Variants in CACNA2D3 observed in about 807,000 individuals in gnomAD.
The protein encoded by CACNA2D3 is calcium voltage-gated channel auxiliary subunit alpha2delta 3.
Under a neutral mutation model 160.6 loss-of-function variants are expected in CACNA2D3, and 60 were observed. That is an observed-to-expected ratio of 0.37 (90% CI 0.30 to 0.46). The LOEUF (loss-of-function observed/expected upper bound fraction) is 0.46. CACNA2D3 is among the 20% of genes least tolerant of loss of function. The pLI, the probability that CACNA2D3 is intolerant of heterozygous loss-of-function variation, is 1.00. For missense variants in CACNA2D3, 1,205 were observed against 1,365.0 expected (o/e 0.88, Z 1.85); for synonymous variants, 558 against 492.9 (o/e 1.13, Z -1.75).
intron 5 of CACNA2D3, among the ~76,000 whole-genome samples, chr3:54,535,980 T>TAGA (rs1205385683): frequency 2.1e-4 from 32 of 152,230 alleles, no homozygotes; most frequent in Admixed American, 2.1e-3. Flanking sequence ...GTTGGAAAAT[T>TAGA]AGAAGTTTCA....
intron 2 of CACNA2D3, 107 bp from the exon 3 acceptor site, chr3:54,320,335 G>T: frequency 5.4e-6 from 3 of 559,322 alleles, no homozygotes; most frequent in Non-Finnish European, 6.3e-6. Context: ...AGCAGTCATG[G>T]TGTAATTTTA....
rs193223669 is a variant in CACNA2D3, at chr3:54,867,111, A to G, written c.1627-4428A>G. Among the ~76,000 whole-genome samples the G allele has an allele frequency of 2.0e-3, 305 of 152,314 alleles. 3 individuals are homozygous for G. The highest frequency in any genetic ancestry group is 6.9e-3 in the African/African-American group (286 of 41,568). The stretch of plus-strand genomic sequence containing the variant: ...GATTATAGATACACTAACAAATGCC[A>G]TACACGATGCTTAGGCCCCGGTAAC... On this transcript the variant is annotated intron_variant, in intron 17 of 37. Coordinates refer to ENST00000474759, the MANE Select transcript of CACNA2D3 (RefSeq NM_018398.3).
chr3:54,501,552 G>A (rs1050483846), intron 4 of CACNA2D3, among the ~76,000 whole-genome samples: 3 of 151,460 alleles, frequency 2.0e-5, no homozygotes, highest in East Asian at 1.9e-4. Flanking sequence ...GACTACAGGC[G>A]GGTGCTGCTG....
At chr3:54,989,321 C>T (rs1247233820) in intron 31 of CACNA2D3, among the ~76,000 whole-genome samples, 1 of 152,194 alleles carries the variant, frequency 6.6e-6, no homozygotes, top group Non-Finnish European at 1.5e-5. Flanking sequence ...AACCTCTAGT[C>T]TTCTCCTTCA....
Position 54,532,334 on chromosome 3 carries a change from A to G in CACNA2D3, c.544+28680A>G, listed in dbSNP as rs374919953. Among the ~76,000 whole-genome samples the G allele has an allele frequency of 2.6e-5, 4 of 152,298 alleles. 1 individual carries two copies. On this transcript the variant is annotated intron_variant, in intron 5 of 37. Coordinates refer to ENST00000474759, the MANE Select transcript of CACNA2D3 (RefSeq NM_018398.3). ...GGGCTGTGCAGCATGTGCCTTGTTAACAATATGTTAACAAGTACAGTTTTG... is the reference window on the plus strand; with the variant it reads ...GGGCTGTGCAGCATGTGCCTTGTTAGCAATATGTTAACAAGTACAGTTTTG...
chr3:55,051,753 C>G (rs1039576354), intron 35 of CACNA2D3, among the ~76,000 whole-genome samples: 1 of 152,012 alleles, frequency 6.6e-6, no homozygotes, highest in African/African-American at 2.4e-5. Flanking sequence ...TAGCAATTAG[C>G]GAGACTCCGT....
intron 6 of CACNA2D3, among the ~76,000 whole-genome samples, chr3:54,565,477 T>G (rs1230141194): frequency 6.6e-6 from 1 of 152,138 alleles, no homozygotes; most frequent in Non-Finnish European, 1.5e-5. Context: ...CCAGTTCAAT[T>G]TATGTCCTAA....
At chr3:54,235,875 A>G (rs1203362194) in intron 2 of CACNA2D3, among the ~76,000 whole-genome samples, 1 of 152,200 alleles carries the variant, frequency 6.6e-6, no homozygotes, top group African/African-American at 2.4e-5. Flanking sequence ...TTTCTTTCAA[A>G]GAGTACAGCA....
intron 2 of CACNA2D3, among the ~76,000 whole-genome samples, chr3:54,190,983 G>A (rs1322288148): frequency 6.7e-6 from 1 of 149,170 alleles, no homozygotes; most frequent in Non-Finnish European, 1.5e-5. Context: ...GATGAAGTGG[G>A]ATAATACCAG....
intron 13 of CACNA2D3, among the ~76,000 whole-genome samples, chr3:54,786,088 C>G (rs1253151857): frequency 1.3e-5 from 2 of 152,160 alleles, no homozygotes; most frequent in Non-Finnish European, 2.9e-5. Flanking sequence ...AATCCCTTCC[C>G]TAACTCCTCA....
chr3:54,984,023 C>G (rs1702561228), intron 29 of CACNA2D3, among the ~76,000 whole-genome samples: 1 of 152,122 alleles, frequency 6.6e-6, no homozygotes, highest in Non-Finnish European at 1.5e-5. Flanking sequence ...AATCCAGCTC[C>G]CAATTAAAAA....
At chr3:54,277,308 G>A (rs564049501) in intron 2 of CACNA2D3, among the ~76,000 whole-genome samples, 12 of 152,266 alleles carry the variant, frequency 7.9e-5, no homozygotes, top group Admixed American at 5.2e-4. Flanking sequence ...TTTTGTATAC[G>A]ATGTCACGAA....
intron 13 of CACNA2D3, among the ~76,000 whole-genome samples, chr3:54,805,266 G>A (rs927919051): frequency 5.9e-5 from 9 of 152,136 alleles, no homozygotes; most frequent in African/African-American, 2.2e-4. Context: ...TCCAGGAGCT[G>A]GTTTTTTGAA....
chr3:54,735,251 CT>C (rs1432322988), intron 11 of CACNA2D3, among the ~76,000 whole-genome samples: 1 of 152,132 alleles, frequency 6.6e-6, no homozygotes. Flanking sequence ...CCCTGGTGCC[CT>C]TAGGACAATA....
intron 2 of CACNA2D3, among the ~76,000 whole-genome samples, chr3:54,164,967 T>A (rs182639331): frequency 7.9e-4 from 120 of 152,346 alleles, no homozygotes; most frequent in African/African-American, 2.8e-3. Flanking sequence ...GGGGGATCAG[T>A]AAGCAGTTTC....
At chr3:54,194,095 G>A (rs1003052532) in intron 2 of CACNA2D3, among the ~76,000 whole-genome samples, 2 of 151,932 alleles carry the variant, frequency 1.3e-5, no homozygotes, top group Admixed American at 6.6e-5. Context: ...GGTGGTGGGG[G>A]ATAAAGAGAG....
At chr3:54,389,827 C>T (rs751921439) in intron 4 of CACNA2D3, among the ~76,000 whole-genome samples, 1 of 152,220 alleles carries the variant, frequency 6.6e-6, no homozygotes, top group African/African-American at 2.4e-5. Flanking sequence ...ATGACTACTA[C>T]ATGCAATGTG....
rs941007499 is a variant in CACNA2D3, at chr3:54,432,507, C to T, written c.381+45733C>T. Among the ~76,000 whole-genome samples the T allele has an allele frequency of 2.6e-5, 4 of 152,006 alleles. No individual in the cohort carries two copies. In the South Asian group the frequency reaches 8.3e-4, roughly 32 times the overall value. ...GAGGAAACGAAAAACATGCTCTTTC[C>T]CTAATTATCTGTGATTTTTTTTCCC... On this transcript the variant is annotated intron_variant, in intron 4 of 37. Transcript: ENST00000474759.
chr3:54,766,650 T>C (rs1042950266), intron 13 of CACNA2D3, among the ~76,000 whole-genome samples: 1 of 152,174 alleles, frequency 6.6e-6, no homozygotes, highest in Non-Finnish European at 1.5e-5. Flanking sequence ...AGTTTGTTCT[T>C]TGCAGAGCAG....
Sources: allele counts gnomAD v4.1 joint callset (sites outside exome capture counted in the v4.1 genomes callset), GRCh38; gene constraint gnomAD v4.1.1; transcripts MANE v1.5; gene names NCBI Gene and HGNC (gene_info 2026-07-23, HGNC 2026-07-21).